GMPS: variants seen among roughly 807,000 people sequenced by gnomAD.
The protein encoded by GMPS is GMP synthase [glutamine-hydrolyzing].
In GMPS, 15 loss-of-function variants were observed where a neutral mutation model predicts 77.9. That is an observed-to-expected ratio of 0.19 (90% CI 0.13 to 0.30). The LOEUF (loss-of-function observed/expected upper bound fraction) is 0.30. Among genes scored for constraint, GMPS ranks in the 10% least tolerant of loss-of-function variants. The pLI, the probability that GMPS is intolerant of heterozygous loss-of-function variation, is 1.00. For missense variants in GMPS, 590 were observed against 838.8 expected, an observed-to-expected ratio of 0.70 and a Z score of 3.66; for synonymous variants, 224 against 275.9, an observed-to-expected ratio of 0.81 and a Z score of 1.86.
intron 2 of GMPS, among the ~76,000 whole-genome samples, chr3:155,894,572 A>T (rs1472558933): frequency 6.6e-6 from 1 of 151,778 alleles, no homozygotes; most frequent in Non-Finnish European, 1.5e-5. Flanking sequence ...TTTTTCTTAG[A>T]TTAAGACTGT....
Position 155,931,833 on chromosome 3 carries a change from T to G in GMPS, c.1629T>G (p.Leu543=), listed in dbSNP as rs1216165650. 1 of 1,600,152 alleles carries G rather than the reference T, an allele frequency of 6.2e-7. No individual in the cohort carries two copies. Among genetic ancestry groups the G allele is most frequent in the Non-Finnish European group, 8.6e-7 (1 of 1,167,618 alleles). The change falls in exon 13 of 16, where the codon CTT becomes CTG. Residue 543 remains leucine (L), a synonymous_variant. Transcript: ENST00000496455. ...AAGATGAACCTGACTGGGAATCACT[T>G]ATTTTTCTGGCTAGGCTTATACCTC... The part of the protein sequence containing the change: ...SSKDEPDWES[L]IFLARLIPRM...
Position 155,936,366 on chromosome 3 carries a change from G to A in GMPS, c.1836G>A (p.Pro612=), listed in dbSNP as rs770390989. The change falls in exon 15 of 16, where the codon CCG becomes CCA. Residue 612 remains proline (P), a synonymous_variant. Transcript: ENST00000496455. Reference sequence around the variant, plus strand: ...ATGCTGGGAAAATCAGCCAGATGCCGGTGATTTTGACACCATTACATTTTG... The same window carrying A: ...ATGCTGGGAAAATCAGCCAGATGCCAGTGATTTTGACACCATTACATTTTG... ...SGYAGKISQM[P]VILTPLHFDR... is the part of the protein sequence containing the mutation. 87 of 1,609,872 alleles carry A rather than the reference G, an allele frequency of 5.4e-5. No individual in the cohort carries two copies. The Middle Eastern group carries it at 6.3e-4, about 12-fold the overall frequency.
At chr3:155,925,094 C>T in intron 11 of GMPS, 147 bp from the exon 12 acceptor site, 1 of 571,518 alleles carries the variant, frequency 1.7e-6, no homozygotes, top group African/African-American at 1.9e-5. Context: ...GAATTTCTGG[C>T]ATAGTGCATA....
chr3:155,916,253 TC>T, intron 9 of GMPS, 61 bp downstream of exon 9: 1 of 973,886 alleles, frequency 1.0e-6, no homozygotes, highest in Non-Finnish European at 1.6e-6. Flanking sequence ...CATTCTTCCC[TC>T]CTCTTCCCTC....
intron 11 of GMPS, among the ~76,000 whole-genome samples, chr3:155,924,943 A>G (rs1755412316): frequency 6.6e-6 from 1 of 152,248 alleles, no homozygotes; most frequent in Non-Finnish European, 1.5e-5. Flanking sequence ...AACTGACTTT[A>G]TGGCAAAAAG....
intron 9 of GMPS, among the ~76,000 whole-genome samples, chr3:155,918,687 T>C (rs1251591409): frequency 6.6e-6 from 1 of 152,222 alleles, no homozygotes; most frequent in East Asian, 1.9e-4. Flanking sequence ...ACTTGTGTCA[T>C]AGGGGTTTGT....
At position 155,942,996 on chromosome 3, in the gene GMPS, C is replaced by T. The variant is rs935400323; in HGVS notation, c.*5304C>T. 16 of 180,288 alleles carry T rather than the reference C, an allele frequency of 8.9e-5. No individual in the cohort carries two copies. Among genetic ancestry groups the T allele is most frequent in the Admixed American group, 8.8e-4 (14 of 15,896 alleles). The allele number at this position is 180,288 out of a possible 1,614,324, so 11.2% of individuals were successfully genotyped here. On this transcript the variant is annotated 3_prime_UTR_variant, in exon 16 of 16. Coordinates refer to ENST00000496455, the MANE Select transcript of GMPS (RefSeq NM_003875.3). ...CTGTAATCCCAGCACTTTGGGAGGCCGAGGCGGGCGGATCTCTTGAGGTCA... is the reference window on the plus strand; with the variant it reads ...CTGTAATCCCAGCACTTTGGGAGGCTGAGGCGGGCGGATCTCTTGAGGTCA...
At chr3:155,885,696 A>G (rs1289702160) in intron 1 of GMPS, among the ~76,000 whole-genome samples, 1 of 152,226 alleles carries the variant, frequency 6.6e-6, no homozygotes, top group African/African-American at 2.4e-5. Context: ...TTTGAGTGCC[A>G]CTAATCCAAA....
chr3:155,911,604 A>G (rs573822983), intron 7 of GMPS, among the ~76,000 whole-genome samples: 123 of 152,132 alleles, frequency 8.1e-4, no homozygotes, highest in Non-Finnish European at 1.5e-3. Context: ...AGGGAGATCA[A>G]GGTGGGTGGA....
rs184546256 is a variant in GMPS at position 155,930,586 on chromosome 3, G to A, written c.1561-1179G>A. Among the ~76,000 whole-genome samples, 682 of 152,142 alleles carry A rather than the reference G, an allele frequency of 4.5e-3. 3 individuals carry two copies. Among genetic ancestry groups the A allele is most frequent in the Non-Finnish European group, 6.6e-3 (450 of 67,996 alleles). On this transcript the variant is annotated intron_variant, in intron 12 of 15. Transcript: ENST00000496455. ...GAGTGAACAGGCAACCTACAAAATG[G>A]AAGAAAATTTTCGCAACCTACTTAT... is the stretch of plus-strand genomic sequence containing the variant.
chr3:155,915,972 A>T (rs776986070), intron 8 of GMPS, 47 bp from the exon 9 acceptor site: 9 of 1,383,946 alleles, frequency 6.5e-6, no homozygotes, highest in East Asian at 4.7e-5. Context: ...TTTTGCTTTT[A>T]AAAAAAGTTA....
intron 1 of GMPS, among the ~76,000 whole-genome samples, chr3:155,873,812 T>G (rs1466228463): frequency 6.6e-6 from 1 of 151,786 alleles, no homozygotes. Context: ...TTTTTTTGTA[T>G]TTTTAGTAGA....
rs545491697 is a variant in GMPS, at chr3:155,905,936, G to A, written c.423-224G>A. ...CAACTTCATATATTTATTTGTTCTAGTTTCCTTCCAATTTTTATGGATTGC... is the reference window on the plus strand; with the variant it reads ...CAACTTCATATATTTATTTGTTCTAATTTCCTTCCAATTTTTATGGATTGC... On this transcript the variant is annotated intron_variant, in intron 4 of 15. Coordinates refer to ENST00000496455, the MANE Select transcript of GMPS (RefSeq NM_003875.3). Among the ~76,000 whole-genome samples the A allele has an allele frequency of 6.7e-4, 102 of 151,964 alleles. 1 individual carries two copies. The highest frequency in any genetic ancestry group is 1.1e-3 in the Non-Finnish European group (76 of 67,948).
chr3:155,933,017 C>T (rs1755664330), intron 13 of GMPS, among the ~76,000 whole-genome samples: 1 of 151,934 alleles, frequency 6.6e-6, no homozygotes. Flanking sequence ...CATGGTGAAA[C>T]TCCATCTCTA....
chr3:155,873,652 T>TTTTTTTTTTTTTTTTG (rs1560032835), intron 1 of GMPS, among the ~76,000 whole-genome samples: 1 of 143,570 alleles, frequency 7.0e-6, no homozygotes, highest in African/African-American at 2.6e-5. Flanking sequence ...TTTTTTTTTT[T>TTTTTTTTTTTTTTTTG]GAGATGGAGT....
chr3:155,869,630 C>T (rs1449633844), upstream of GMPS, among the ~76,000 whole-genome samples: 1 of 152,204 alleles, frequency 6.6e-6, no homozygotes, highest in Non-Finnish European at 1.5e-5. Flanking sequence ...CATTATCTCA[C>T]TAAGCCTCAA....
intron 1 of GMPS, among the ~76,000 whole-genome samples, chr3:155,877,672 C>G (rs1290764229): frequency 6.6e-6 from 1 of 152,052 alleles, no homozygotes; most frequent in African/African-American, 2.4e-5. Flanking sequence ...TTATGAACAA[C>G]AAAAATTTCT....
intron 7 of GMPS, among the ~76,000 whole-genome samples, chr3:155,912,419 A>C (rs1412571978): frequency 6.6e-6 from 1 of 152,220 alleles, no homozygotes; most frequent in East Asian, 1.9e-4. Flanking sequence ...GTATCTTCAC[A>C]TGGTGATAGG....
intron 4 of GMPS, 48 bp from the exon 5 acceptor site, chr3:155,906,112 C>A: frequency 9.1e-7 from 1 of 1,098,472 alleles, no homozygotes; most frequent in South Asian, 1.5e-5. Flanking sequence ...ACCCATGAAT[C>A]ATGTTTTTAA....
Sources: allele counts gnomAD v4.1 joint callset (sites outside exome capture counted in the v4.1 genomes callset), GRCh38; gene constraint gnomAD v4.1.1; transcripts MANE v1.5; gene names NCBI Gene and HGNC (gene_info 2026-07-23, HGNC 2026-07-21).